The following RGS6 variants were observed in gnomAD, a reference collection of about 807,000 sequenced individuals.
RGS6 encodes the protein regulator of G-protein signaling 6.
In RGS6, 30 loss-of-function variants were observed where a neutral mutation model predicts 78.5. The observed-to-expected ratio is 0.38, with a 90% confidence interval of 0.29 to 0.52. The LOEUF is 0.52. RGS6 is among the 20% of genes least tolerant of loss of function. The pLI, the probability that RGS6 is intolerant of heterozygous loss-of-function variation, is 0.85. For missense variants in RGS6, 495 were observed against 609.7 expected, an observed-to-expected ratio of 0.81 and a Z score of 1.98; for synonymous variants, 206 against 206.0, an observed-to-expected ratio of 1.00 and a Z score of 0.00.
chr14:71,890,140 G>GT, the RGS6 span, among the ~76,000 whole-genome samples: 5 of 152,030 alleles, frequency 3.3e-5, no homozygotes, highest in Non-Finnish European at 7.4e-5. Flanking sequence ...TCAGTCTCTG[G>GT]TATTTCTTTA....
chr14:71,979,701 G>A (rs2094345213), intron 2 of RGS6, among the ~76,000 whole-genome samples: 1 of 152,168 alleles, frequency 6.6e-6, no homozygotes. Flanking sequence ...GTCAATTTTG[G>A]AATAGGTGTG....
chr14:72,283,926 G>C (rs560925128), intron 2 of RGS6, among the ~76,000 whole-genome samples: 6 of 152,282 alleles, frequency 3.9e-5, no homozygotes, highest in Admixed American at 2.6e-4. Flanking sequence ...TCCAGATTGA[G>C]GTGTTCTCAG....
intron 12 of RGS6, among the ~76,000 whole-genome samples, chr14:72,492,812 T>C (rs974482355): frequency 2.6e-5 from 4 of 152,194 alleles, no homozygotes; most frequent in African/African-American, 9.6e-5. Flanking sequence ...CCATTCTGTT[T>C]TTGCAAATAA....
the RGS6 span, among the ~76,000 whole-genome samples, chr14:71,895,275 C>A: frequency 6.6e-6 from 1 of 152,120 alleles, no homozygotes. Flanking sequence ...CCTCTGATCC[C>A]TGGGTTCAAG....
intron 2 of RGS6, among the ~76,000 whole-genome samples, chr14:71,987,871 A>G (rs1162002212): frequency 2.0e-5 from 3 of 152,232 alleles, no homozygotes; most frequent in Non-Finnish European, 4.4e-5. Flanking sequence ...CAGTGAATAA[A>G]TAACCTTCTC....
At chr14:72,289,315 C>A (rs1156548377) in intron 2 of RGS6, among the ~76,000 whole-genome samples, 2 of 145,656 alleles carry the variant, frequency 1.4e-5, no homozygotes, top group African/African-American at 5.0e-5. Flanking sequence ...TTCATTCATT[C>A]TTATTTTCTT....
intron 3 of RGS6, among the ~76,000 whole-genome samples, chr14:72,399,702 A>G (rs2092096094): frequency 6.6e-6 from 1 of 152,134 alleles, no homozygotes; most frequent in Non-Finnish European, 1.5e-5. Flanking sequence ...TGCTTCCTTC[A>G]GGAGCTCTTT....
At chr14:72,402,790 GTTTTTTTTTTTTTT>G (rs1167831473) in intron 3 of RGS6, among the ~76,000 whole-genome samples, 2 of 75,800 alleles carry the variant, frequency 2.6e-5, no homozygotes, top group Non-Finnish European at 4.7e-5. Flanking sequence ...TGTTTTTTTG[GTTTTTTTTTTTTTT>G]TTTTTTTTTT....
intron 2 of RGS6, among the ~76,000 whole-genome samples, chr14:72,325,572 G>A (rs1205453489): frequency 5.3e-5 from 8 of 152,020 alleles, no homozygotes; most frequent in African/African-American, 1.4e-4. Flanking sequence ...TTCTACATAT[G>A]GCTAGCCAGT....
At chr14:72,065,308 T>A (rs1203977371) in intron 2 of RGS6, among the ~76,000 whole-genome samples, 2 of 152,220 alleles carry the variant, frequency 1.3e-5, no homozygotes, top group African/African-American at 2.4e-5. Context: ...TTGGTTTTTG[T>A]CAAGTGGTTT....
chr14:72,277,019 A>C (rs1239013012), intron 2 of RGS6, among the ~76,000 whole-genome samples: 2 of 152,202 alleles, frequency 1.3e-5, no homozygotes, highest in African/African-American at 4.8e-5. Flanking sequence ...CTAAGTGCCT[A>C]GAATGGTGCC....
At chr14:72,500,940 C>T (rs1015274770) in intron 13 of RGS6, among the ~76,000 whole-genome samples, 4 of 152,080 alleles carry the variant, frequency 2.6e-5, no homozygotes, top group Non-Finnish European at 1.5e-5. Flanking sequence ...CCAGGAGGTG[C>T]GATATGTACC....
intron 2 of RGS6, among the ~76,000 whole-genome samples, chr14:72,014,188 A>G (rs1234810988): frequency 2.0e-5 from 3 of 152,214 alleles, no homozygotes. Context: ...GGGCGTTCTC[A>G]GTGCAGTGCC....
chr14:71,888,735 T>G, the RGS6 span, among the ~76,000 whole-genome samples: 1 of 152,126 alleles, frequency 6.6e-6, no homozygotes, highest in African/African-American at 2.4e-5. Context: ...ATACAGACTA[T>G]GATGGGAACA....
intron 8 of RGS6, among the ~76,000 whole-genome samples, chr14:72,470,678 G>A (rs559899218): frequency 2.0e-5 from 3 of 152,078 alleles, no homozygotes; most frequent in Admixed American, 6.5e-5. Context: ...TCAGGAGTTC[G>A]AGACCAACCT....
At chr14:71,949,789 T>TTTTC (rs1217765198) in intron 1 of RGS6, among the ~76,000 whole-genome samples, 1 of 151,800 alleles carries the variant, frequency 6.6e-6, no homozygotes, top group Admixed American at 6.6e-5. Context: ...TATTTTTTTT[T>TTTTC]TTTTTTGCCT....
chr14:72,024,864 C>A (rs1327973171), intron 2 of RGS6, among the ~76,000 whole-genome samples: 1 of 152,098 alleles, frequency 6.6e-6, no homozygotes, highest in African/African-American at 2.4e-5. Context: ...TAACAAAATT[C>A]AAGGAATGTG....
chr14:72,463,618 A>C (rs945374135), intron 6 of RGS6, among the ~76,000 whole-genome samples: 16 of 152,258 alleles, frequency 1.1e-4, no homozygotes, highest in African/African-American at 3.9e-4. Context: ...TAAAACCCAC[A>C]GTCAAATCCA....
rs77488842 is a variant in RGS6, at chr14:72,120,830, T to C, written c.84+155955T>C. Among the ~76,000 whole-genome samples the C allele has an allele frequency of 7.1e-3, 1,080 of 152,256 alleles. 10 individuals carry two copies. The highest frequency in any genetic ancestry group is 0.034 in the Middle Eastern group (10 of 294). On this transcript the variant is annotated intron_variant, in intron 2 of 17. Coordinates refer to ENST00000553525, the MANE Select transcript of RGS6 (RefSeq NM_001204424.2). ...GATTCAAAAGGAGCACAAGAGAACT[T>C]TCTGGGATGTTGGAAATCTTCTCTA...
Sources: gnomAD v4.1 joint callset for allele counts (sites outside exome capture counted in the v4.1 genomes callset) on GRCh38, gnomAD v4.1.1 for gene constraint, MANE v1.5 for transcripts, NCBI Gene and HGNC (gene_info 2026-07-23, HGNC 2026-07-21) for gene names.